ANKRD30BL: variants seen among roughly 807,000 people sequenced by gnomAD.
ANKRD30BL encodes putative ankyrin repeat domain-containing protein 30B-like.
Under a neutral mutation model 18.4 loss-of-function variants are expected in ANKRD30BL, and 20 were observed. That is an observed-to-expected ratio of 1.09 (90% CI 0.77 to 1.58). The LOEUF is 1.58. Among genes scored for constraint, ANKRD30BL ranks in the 40% most tolerant of loss-of-function variants. The pLI is 0.00. For missense variants in ANKRD30BL, 224 were observed against 268.6 expected (o/e 0.83, Z 1.16); for synonymous variants, 72 against 100.9 (o/e 0.71, Z 1.72).
Position 132,248,690 on chromosome 2 carries a change from C to T in ANKRD30BL, n.441+8839G>A, listed in dbSNP as rs532921515. The stretch of plus-strand genomic sequence containing the variant: ...ATTTTACAAGAACAGAGTTTCCAGA[C>T]TCGTCAAAGAATAGAAACTTTTATC... On this transcript the variant is annotated intron_variant and non_coding_transcript_variant, in intron 1 of 4. Transcript: ENST00000470729. Among the ~76,000 whole-genome samples the T allele has an allele frequency of 1.2e-3, 178 of 152,096 alleles. 2 individuals carry two copies. The highest frequency in any genetic ancestry group is 4.0e-3 in the African/African-American group (167 of 41,556).
At chr2:132,184,761 C>T (rs1558923560) in intron 1 of ANKRD30BL, among the ~76,000 whole-genome samples, 1 of 151,918 alleles carries the variant, frequency 6.6e-6, no homozygotes, top group East Asian at 1.9e-4. Flanking sequence ...AGGGATTCCC[C>T]CCTAATCCCA....
chr2:132,187,815 A>C (rs1331885050), intron 1 of ANKRD30BL, among the ~76,000 whole-genome samples: 1 of 151,232 alleles, frequency 6.6e-6, no homozygotes, highest in East Asian at 2.0e-4. Context: ...CTGGAGTGCA[A>C]TGGCACAATT....
In ANKRD30BL at chr2:132,157,432, ATG is replaced by A. The variant is rs760951173; in HGVS notation, c.219-11_219-10del. 3.2e-4 allele frequency: 203 copies of A among 643,406 alleles called. 1 individual carries two copies. In the East Asian group the frequency reaches 5.3e-3, roughly 17 times the overall value. The allele number at this position is 643,406 out of a possible 1,614,324, so 39.9% of individuals were successfully genotyped here. A position where few individuals can be genotyped will look rare whatever the true frequency, so the allele number is the denominator to read the frequency against. ...CCCAGTATAGAGCAGTCCTACAAGAATGAGAGGCCTTTTAAGGAAAGTTTAGT... is the reference window on the plus strand; with the variant it reads ...CCCAGTATAGAGCAGTCCTACAAGAAAGAGGCCTTTTAAGGAAAGTTTAGT... On this transcript the variant is annotated splice_polypyrimidine_tract_variant and intron_variant, in intron 1 of 5. Transcript: ENST00000409867.
chr2:132,229,585 G>T (rs1184940853), intron 1 of ANKRD30BL, among the ~76,000 whole-genome samples: 1 of 152,106 alleles, frequency 6.6e-6, no homozygotes, highest in Non-Finnish European at 1.5e-5. Context: ...TTGTTATTTG[G>T]AACTCTGTGA....
chr2:132,254,472 G>C (rs1009633191), intron 1 of ANKRD30BL, among the ~76,000 whole-genome samples: 1 of 151,828 alleles, frequency 6.6e-6, no homozygotes, highest in Non-Finnish European at 1.5e-5. Flanking sequence ...GGGCTGATCC[G>C]AGGGCCTCAC....
At chr2:132,221,320 G>A (rs1679671306) in intron 1 of ANKRD30BL, among the ~76,000 whole-genome samples, 1 of 116,998 alleles carries the variant, frequency 8.5e-6, no homozygotes, top group Non-Finnish European at 1.8e-5. Context: ...GGAGGGAGGT[G>A]GGGGGGTCAG....
At chr2:132,192,668 C>A in intron 1 of ANKRD30BL, among the ~76,000 whole-genome samples, 1 of 152,222 alleles carries the variant, frequency 6.6e-6, no homozygotes, top group South Asian at 2.1e-4. Flanking sequence ...TCATGTCACC[C>A]ACCATGTTTG....
At chr2:132,207,302 G>T (rs1278864538) in intron 1 of ANKRD30BL, among the ~76,000 whole-genome samples, 1 of 151,988 alleles carries the variant, frequency 6.6e-6, no homozygotes, top group African/African-American at 2.4e-5. Flanking sequence ...AGATAAACAA[G>T]TGTTTGTCTC....
At chr2:132,217,542 T>C (rs1051510818) in intron 1 of ANKRD30BL, among the ~76,000 whole-genome samples, 1 of 152,142 alleles carries the variant, frequency 6.6e-6, no homozygotes. Flanking sequence ...ACACACTCTT[T>C]TAGTAGAATC....
At chr2:132,248,215 T>C (rs568702786) in intron 1 of ANKRD30BL, among the ~76,000 whole-genome samples, 2 of 152,242 alleles carry the variant, frequency 1.3e-5, no homozygotes, top group Admixed American at 6.6e-5. Flanking sequence ...GTGAGATGAA[T>C]ACACTCATCA....
chr2:132,182,999 TA>T (rs1281507583), intron 1 of ANKRD30BL, among the ~76,000 whole-genome samples: 1 of 152,068 alleles, frequency 6.6e-6, no homozygotes, highest in Non-Finnish European at 1.5e-5. Context: ...ATATATAAAA[TA>T]AAAAATAACG....
At chr2:132,189,824 TC>T (rs915741889) in intron 1 of ANKRD30BL, among the ~76,000 whole-genome samples, 1 of 152,164 alleles carries the variant, frequency 6.6e-6, no homozygotes, top group Non-Finnish European at 1.5e-5. Context: ...CATCAACTTG[TC>T]CCAGCAAAAT....
At chr2:132,184,270 T>A (rs1214053026) in intron 1 of ANKRD30BL, among the ~76,000 whole-genome samples, 1 of 152,164 alleles carries the variant, frequency 6.6e-6, no homozygotes, top group Non-Finnish European at 1.5e-5. Flanking sequence ...TATTTTGTCT[T>A]CAGCAAAATT....
intron 1 of ANKRD30BL, among the ~76,000 whole-genome samples, chr2:132,205,146 G>A (rs1679185477): frequency 6.6e-6 from 1 of 151,956 alleles, no homozygotes; most frequent in African/African-American, 2.4e-5. Flanking sequence ...TGAAGTATAA[G>A]GTATGCAGAA....
At chr2:132,207,999 G>T (rs565308928) in intron 1 of ANKRD30BL, among the ~76,000 whole-genome samples, 3 of 152,014 alleles carry the variant, frequency 2.0e-5, no homozygotes, top group Non-Finnish European at 4.4e-5. Context: ...GAGGGGGCGG[G>T]TAATTTTTGT....
chr2:132,201,595 C>G (rs924272614), intron 1 of ANKRD30BL, among the ~76,000 whole-genome samples: 31 of 152,130 alleles, frequency 2.0e-4, no homozygotes, highest in Non-Finnish European at 5.9e-5. Flanking sequence ...CAATGAGATA[C>G]CTTCTCACAC....
intron 1 of ANKRD30BL, among the ~76,000 whole-genome samples, chr2:132,180,220 CTTTT>C (rs34690292): frequency 2.9e-5 from 4 of 136,816 alleles, no homozygotes; most frequent in Non-Finnish European, 3.1e-5. Context: ...CAAGTGTACC[CTTTT>C]TTTTTTTTTT....
intron 1 of ANKRD30BL, among the ~76,000 whole-genome samples, chr2:132,177,099 T>A (rs1387302064): frequency 6.6e-6 from 1 of 152,124 alleles, no homozygotes; most frequent in Non-Finnish European, 1.5e-5. Flanking sequence ...AGTGGCTAAC[T>A]TTTTTGGTGC....
At chr2:132,257,283 G>T (rs79113146) in intron 1 of ANKRD30BL, among the ~76,000 whole-genome samples, 1 of 152,168 alleles carries the variant, frequency 6.6e-6, no homozygotes, top group Non-Finnish European at 1.5e-5. Context: ...CACGGTCGTC[G>T]GCACCGGTCG....
Sources: allele counts gnomAD v4.1 joint callset (sites outside exome capture counted in the v4.1 genomes callset), GRCh38; gene constraint gnomAD v4.1.1; transcripts MANE v1.5; gene names NCBI Gene and HGNC (gene_info 2026-07-23, HGNC 2026-07-21).